Variants in PHACTR3 observed in about 807,000 individuals in gnomAD.
The protein encoded by PHACTR3 is protein phosphatase 1, regulatory subunit 123.
In PHACTR3, 16 loss-of-function variants were observed where a neutral mutation model predicts 66.8. The observed-to-expected ratio is 0.24, with a 90% CI of 0.16 to 0.36. PHACTR3 has a LOEUF of 0.36. Among genes scored for constraint, PHACTR3 ranks in the 10% least tolerant of loss-of-function variants. The pLI is 1.00. For synonymous variants in PHACTR3, 323 were observed against 292.1 expected, an observed-to-expected ratio of 1.11 and a Z score of -1.08; for missense variants, 647 against 719.9, an observed-to-expected ratio of 0.90 and a Z score of 1.16.
intron 1 of PHACTR3, among the ~76,000 whole-genome samples, chr20:59,672,725 A>G (rs2036236998): frequency 6.6e-6 from 1 of 152,204 alleles, no homozygotes; most frequent in Non-Finnish European, 1.5e-5. Context: ...CCCGACACCC[A>G]GCTTGCGGCC....
chr20:59,767,016 C>T lies in PHACTR3; in HGVS notation c.542-170C>T, dbSNP rs554936875. Among the ~76,000 whole-genome samples the T allele has an allele frequency of 9.8e-5, 15 of 152,314 alleles. No individual in the cohort carries two copies. In the East Asian group the frequency reaches 1.7e-3, roughly 18 times the overall value. On this transcript the variant is annotated intron_variant, in intron 4 of 12. Coordinates refer to ENST00000371015, the MANE Select transcript of PHACTR3 (RefSeq NM_080672.5). ...CTCTCCATATTCCTCTCTCTGCTTCCGATGGTTCTATTGAGAGTTGAACTT... is the reference window on the plus strand; with the variant it reads ...CTCTCCATATTCCTCTCTCTGCTTCTGATGGTTCTATTGAGAGTTGAACTT...
chr20:59,750,016 G>C (rs2039518157), intron 3 of PHACTR3, among the ~76,000 whole-genome samples: 1 of 152,098 alleles, frequency 6.6e-6, no homozygotes, highest in South Asian at 2.1e-4. Flanking sequence ...CTCCTAAATT[G>C]ATGCCATGAC....
intron 4 of PHACTR3, among the ~76,000 whole-genome samples, chr20:59,761,379 G>A (rs2146845045): frequency 6.6e-6 from 1 of 152,268 alleles, no homozygotes; most frequent in African/African-American, 2.4e-5. Context: ...TGAGCCACCT[G>A]GCCCACAGCC....
intron 1 of PHACTR3, among the ~76,000 whole-genome samples, chr20:59,591,482 CAGG>C (rs1365566488): frequency 1.3e-5 from 2 of 152,188 alleles, no homozygotes; most frequent in Non-Finnish European, 2.9e-5. Context: ...ACTGAGGCCT[CAGG>C]AAGACAGCTG....
intron 5 of PHACTR3, among the ~76,000 whole-genome samples, chr20:59,768,286 T>C (rs75452212): frequency 0.022 from 3,399 of 152,352 alleles, 56 homozygotes; most frequent in Non-Finnish European, 0.035. Context: ...AGTAAAGCCT[T>C]GCGTGCTGTC....
At chr20:59,714,506 T>A (rs192625553) in intron 1 of PHACTR3, among the ~76,000 whole-genome samples, 23 of 152,322 alleles carry the variant, frequency 1.5e-4, no homozygotes, top group African/African-American at 5.1e-4. Context: ...ACTGCGTGGG[T>A]CTATTTCTGG....
At chr20:59,694,409 G>A (rs1057263226) in intron 1 of PHACTR3, among the ~76,000 whole-genome samples, 5 of 151,858 alleles carry the variant, frequency 3.3e-5, no homozygotes, top group African/African-American at 1.2e-4. Flanking sequence ...TATATCATTG[G>A]CACCTAGTAG....
intron 1 of PHACTR3, among the ~76,000 whole-genome samples, chr20:59,596,549 G>C (rs953192619): frequency 3.3e-5 from 5 of 152,190 alleles, no homozygotes; most frequent in African/African-American, 4.8e-5. Flanking sequence ...CTGTTGTATG[G>C]TATTTCATTT....
At chr20:59,774,807 C>T (rs1337839614) in intron 7 of PHACTR3, among the ~76,000 whole-genome samples, 3 of 151,424 alleles carry the variant, frequency 2.0e-5, no homozygotes, top group African/African-American at 7.3e-5. Flanking sequence ...TTAGAGAATG[C>T]CACCCCTGAG....
At chr20:59,813,711 G>A (rs1278771393) in intron 8 of PHACTR3, among the ~76,000 whole-genome samples, 2 of 152,174 alleles carry the variant, frequency 1.3e-5, no homozygotes, top group African/African-American at 4.8e-5. Context: ...ACTACCCTGG[G>A]GGCTGAGAAG....
chr20:59,645,290 C>T (rs1028902479), intron 1 of PHACTR3, among the ~76,000 whole-genome samples: 3 of 147,050 alleles, frequency 2.0e-5, no homozygotes, highest in African/African-American at 7.6e-5. Context: ...AAAGGCAGGG[C>T]TGGGTTAACC....
At chr20:59,603,211 T>G (rs1358238621), upstream of PHACTR3, among the ~76,000 whole-genome samples, 1 of 152,192 alleles carries the variant, frequency 6.6e-6, no homozygotes, top group Non-Finnish European at 1.5e-5. Flanking sequence ...ATTAGTGTGT[T>G]GGTGACCATT....
At chr20:59,834,486 T>G (rs1166521563) in intron 8 of PHACTR3, among the ~76,000 whole-genome samples, 1 of 152,170 alleles carries the variant, frequency 6.6e-6, no homozygotes, top group Non-Finnish European at 1.5e-5. Flanking sequence ...TGATTTCTCT[T>G]CCTTTACCTA....
chr20:59,696,161 G>A (rs2037289668), intron 1 of PHACTR3, among the ~76,000 whole-genome samples: 1 of 152,238 alleles, frequency 6.6e-6, no homozygotes, highest in South Asian at 2.1e-4. Flanking sequence ...GTTTTACTTA[G>A]AGAGCAGTGC....
chr20:59,846,724 A>AT (rs1173877096), intron 12 of PHACTR3, among the ~76,000 whole-genome samples: 3 of 152,282 alleles, frequency 2.0e-5, no homozygotes, highest in Non-Finnish European at 4.4e-5. Flanking sequence ...TGGTTATGAG[A>AT]TTTTAAGAGT....
chr20:59,680,624 G>A (rs917124305), intron 1 of PHACTR3, among the ~76,000 whole-genome samples: 1 of 152,100 alleles, frequency 6.6e-6, no homozygotes, highest in Non-Finnish European at 1.5e-5. Context: ...TGAATGCGGC[G>A]CAACACAAAT....
At chr20:59,708,738 T>G (rs1357403158) in intron 1 of PHACTR3, among the ~76,000 whole-genome samples, 4 of 152,210 alleles carry the variant, frequency 2.6e-5, no homozygotes, top group Non-Finnish European at 5.9e-5. Flanking sequence ...GACATGGCTC[T>G]TCTTTATTCA....
At chr20:59,691,348 C>T (rs2037099537) in intron 1 of PHACTR3, among the ~76,000 whole-genome samples, 1 of 152,216 alleles carries the variant, frequency 6.6e-6, no homozygotes, top group African/African-American at 2.4e-5. Context: ...ATGTGAGGGA[C>T]AGAGCCAACC....
chr20:59,745,643 A>G (rs562023865), intron 2 of PHACTR3, among the ~76,000 whole-genome samples: 12 of 152,344 alleles, frequency 7.9e-5, no homozygotes, highest in Admixed American at 6.5e-4. Flanking sequence ...GAATGCAAAG[A>G]TGATTGAAAG....
Sources: gnomAD v4.1 joint callset for allele counts (sites outside exome capture counted in the v4.1 genomes callset) on GRCh38, gnomAD v4.1.1 for gene constraint, MANE v1.5 for transcripts, NCBI Gene and HGNC (gene_info 2026-07-23, HGNC 2026-07-21) for gene names.